Variants in DIAPH1 observed in about 807,000 individuals in gnomAD.
DIAPH1 encodes the protein diaphanous related formin 1.
Under a neutral mutation model 140.7 loss-of-function variants are expected in DIAPH1, and 46 were observed. The ratio of observed to expected loss-of-function variants is 0.33; its 90% CI spans 0.26 to 0.42. The LOEUF (loss-of-function observed/expected upper bound fraction) is 0.42. Ranked by LOEUF, DIAPH1 falls within the 10% of genes least tolerant of loss-of-function variation. The probability of loss-of-function intolerance (pLI) is 1.00; values close to 1 mark genes in which losing one functional copy is unlikely to be tolerated. For synonymous variants in DIAPH1, 565 were observed against 551.6 expected (o/e 1.02, Z -0.34); for missense variants, 1,310 against 1,558.7 (o/e 0.84, Z 2.69).
At chr5:141,518,656 G>C (rs1256351400) in intron 27 of DIAPH1, 1 of 406,548 alleles carries the variant, frequency 2.5e-6, no homozygotes, top group Admixed American at 3.5e-5. Flanking sequence ...CCTAGTAGCT[G>C]GGACTATAAG....
chr5:141,541,684 CAAA>C (rs145217158), intron 18 of DIAPH1, among the ~76,000 whole-genome samples: 8 of 104,170 alleles, frequency 7.7e-5, no homozygotes, highest in Admixed American at 1.9e-4. Flanking sequence ...GATTCTGTCT[CAAA>C]AAAAAAAAAA....
At chr5:141,598,396 C>G (rs1436070292) in intron 1 of DIAPH1, among the ~76,000 whole-genome samples, 3 of 152,164 alleles carry the variant, frequency 2.0e-5, no homozygotes, top group Non-Finnish European at 4.4e-5. Context: ...AAATGAGCTT[C>G]TCTTCTCCAA....
intron 18 of DIAPH1, among the ~76,000 whole-genome samples, chr5:141,537,625 T>C (rs952836029): frequency 6.6e-6 from 1 of 150,456 alleles, no homozygotes; most frequent in Non-Finnish European, 1.5e-5. Flanking sequence ...AAGACAAGCA[T>C]ATGCACTTCC....
intron 19 of DIAPH1, among the ~76,000 whole-genome samples, chr5:141,532,700 T>C (rs2099888417): frequency 6.6e-6 from 1 of 152,258 alleles, no homozygotes; most frequent in Non-Finnish European, 1.5e-5. Flanking sequence ...TATTGTCTTA[T>C]TCAGCTTTGT....
intron 1 of DIAPH1, among the ~76,000 whole-genome samples, chr5:141,592,874 A>C (rs1160377141): frequency 2.6e-5 from 4 of 152,198 alleles, no homozygotes; most frequent in African/African-American, 9.7e-5. Flanking sequence ...ATTAATAGGA[A>C]CTTTCAGGTA....
rs916627931 is a variant in DIAPH1, at chr5:141,565,122, CAG to C, written c.2482+6304_2482+6305del. ...TGGAAAACTTATTTGTATTATATGACAGAATACAACTATCAGAAATAATGACA... is the reference window on the plus strand; with the variant it reads ...TGGAAAACTTATTTGTATTATATGACAATACAACTATCAGAAATAATGACA... On this transcript the variant is annotated intron_variant, in intron 18 of 27. Coordinates refer to ENST00000389054, the MANE Select transcript of DIAPH1 (RefSeq NM_005219.5). The surrounding 1 kb of genome is among the most constrained non-coding windows in gnomAD (Gnocchi z 4.3). 2.6e-5 allele frequency: 4 copies of C among 152,176 alleles called. No individual in the cohort carries two copies. Among genetic ancestry groups the C allele is most frequent in the East Asian group, 3.9e-4 (2 of 5,182 alleles). The allele number at this position is 152,176 out of a possible 1,614,324, so 9.4% of individuals were successfully genotyped here.
chr5:141,542,343 G>A (rs912697847), intron 18 of DIAPH1, among the ~76,000 whole-genome samples: 2 of 151,640 alleles, frequency 1.3e-5, no homozygotes, highest in African/African-American at 2.4e-5. Flanking sequence ...TGAGGCAAGA[G>A]AATCACTTGA....
intron 1 of DIAPH1, among the ~76,000 whole-genome samples, chr5:141,595,777 G>T (rs1285024296): frequency 1.3e-5 from 2 of 152,150 alleles, no homozygotes; most frequent in African/African-American, 4.8e-5. Flanking sequence ...AGCAGTGTGA[G>T]AACGGATTGA....
At chr5:141,582,247 T>C in intron 7 of DIAPH1, 65 bp downstream of exon 7, 1 of 1,204,492 alleles carries the variant, frequency 8.3e-7, no homozygotes, top group Non-Finnish European at 1.2e-6. Flanking sequence ...TCTTTTGGTT[T>C]GCCAATAGAA....
intron 8 of DIAPH1, among the ~76,000 whole-genome samples, chr5:141,579,837 A>G (rs1228595438): frequency 6.6e-6 from 1 of 151,694 alleles, no homozygotes; most frequent in Non-Finnish European, 1.5e-5. Flanking sequence ...AGTCCCAGCT[A>G]CTCGGGAGGC....
intron 18 of DIAPH1, among the ~76,000 whole-genome samples, chr5:141,568,046 C>G (rs1259432920): frequency 6.6e-6 from 1 of 152,088 alleles, no homozygotes; most frequent in African/African-American, 2.4e-5. Flanking sequence ...GTCTAATGTT[C>G]CATATTGTTT....
chr5:141,526,803 TCTCCTG>T (rs1354200654), intron 24 of DIAPH1, among the ~76,000 whole-genome samples: 1 of 152,102 alleles, frequency 6.6e-6, no homozygotes, highest in East Asian at 1.9e-4. Flanking sequence ...TTCAAGCAAT[TCTCCTG>T]CCTCAGCCTC....
At chr5:141,534,033 C>CA (rs35815835) in intron 19 of DIAPH1, among the ~76,000 whole-genome samples, 11,941 of 45,760 alleles carry the variant, frequency 0.26, 1,247 homozygotes, top group Non-Finnish European at 0.29. Flanking sequence ...GACTGTGTCT[C>CA]AAAAAAAAAA....
chr5:141,526,758 G>A (rs771376054), intron 24 of DIAPH1, among the ~76,000 whole-genome samples: 1 of 152,114 alleles, frequency 6.6e-6, no homozygotes. Flanking sequence ...GTGCAGTGGC[G>A]CGATCTTGGC....
intron 18 of DIAPH1, among the ~76,000 whole-genome samples, chr5:141,543,081 A>AG (rs905654952): frequency 3.9e-5 from 6 of 152,232 alleles, no homozygotes; most frequent in African/African-American, 1.4e-4. Context: ...AGTTACAAAA[A>AG]AAAAAAAAGA....
Position 141,573,603 on chromosome 5 carries a change from T to G in DIAPH1, c.2247A>C (p.Pro749=), listed in dbSNP as rs1470544742. ...PPPPPGMGMP[P]PPPFGFGVPA... ...GAACTCCAAATCCAAATGGGGGAGG[T>G]GGAGGCATACCCATTCCGGGTGGAG... The change falls in exon 16 of 28, where the codon CCA becomes CCC. Residue 749 remains proline, a synonymous_variant. Transcript: ENST00000389054. The G allele has an allele frequency of 6.2e-7, 1 of 1,612,102 alleles. No individual in the cohort carries two copies. The highest frequency in any genetic ancestry group is 1.3e-5 in the African/African-American group (1 of 74,170).
In DIAPH1 at chr5:141,578,205, C is replaced by A; in HGVS notation, c.1163+20G>T. On this transcript the variant is annotated intron_variant, in intron 11 of 27. Transcript: ENST00000389054. Reference sequence around the variant, plus strand: ...CAATGAATGTCTCATCTGCCTTGAACCTAGTCAGCAAAAGGATATTCCATC... The same window carrying A: ...CAATGAATGTCTCATCTGCCTTGAAACTAGTCAGCAAAAGGATATTCCATC... 6.4e-7 allele frequency: 1 copy of A among 1,566,264 alleles called. No individual in the cohort carries two copies. The highest frequency in any genetic ancestry group is 8.8e-7 in the Non-Finnish European group (1 of 1,136,408).
At position 141,615,675 on chromosome 5, in the gene DIAPH1, G is replaced by A. The variant is rs1296445323; in HGVS notation, c.117+3123C>T. ...GAAGAATGGCATGAACCCGGGAGGC[G>A]GAGCTTGCAGTGAGCTGAGATTGCA... is the stretch of plus-strand genomic sequence containing the variant. On this transcript the variant is annotated intron_variant, in intron 1 of 27. Transcript: ENST00000389054. Among the ~76,000 whole-genome samples the A allele has an allele frequency of 3.9e-5, 6 of 152,144 alleles. No homozygotes were observed. The South Asian group carries it at 1.0e-3, about 26-fold the overall frequency.
chr5:141,594,724 C>T lies in DIAPH1; in HGVS notation c.118-6474G>A, dbSNP rs150103367. ...AGCCACTGCACTCCAGCCTGGGTGA[C>T]GGAGCAAGACCCAGTCTCAAAAAAA... On this transcript the variant is annotated intron_variant, in intron 1 of 27. Coordinates refer to ENST00000389054, the MANE Select transcript of DIAPH1 (RefSeq NM_005219.5). Among the ~76,000 whole-genome samples, 394 of 151,190 alleles carry T rather than the reference C, an allele frequency of 2.6e-3. 3 individuals are homozygous for T. The highest frequency in any genetic ancestry group is 9.2e-3 in the African/African-American group (378 of 41,178).
Sources: allele counts gnomAD v4.1 joint callset (sites outside exome capture counted in the v4.1 genomes callset), GRCh38; gene constraint gnomAD v4.1.1; non-coding constraint Gnocchi (gnomAD v3.1); transcripts MANE v1.5; gene names NCBI Gene and HGNC (gene_info 2026-07-23, HGNC 2026-07-21).